Variants in IQGAP2 observed in about 807,000 individuals in gnomAD.
The protein encoded by IQGAP2 is ras GTPase-activating-like protein IQGAP2.
IQGAP2 carries 173 observed loss-of-function variants against 201.3 expected under a neutral mutation model. That is an observed-to-expected ratio of 0.86 (90% CI 0.76 to 0.98). The LOEUF (loss-of-function observed/expected upper bound fraction) is 0.98. Ranked by LOEUF, IQGAP2 falls within the 50% of genes least tolerant of loss-of-function variation. The probability of loss-of-function intolerance (pLI) is 0.00; values close to 1 mark genes in which losing one functional copy is unlikely to be tolerated. For missense variants in IQGAP2, 1,687 were observed against 1,864.8 expected (o/e 0.90, Z 1.76); for synonymous variants, 675 against 673.9 (o/e 1.00, Z -0.03).
chr5:76,488,631 C>T (rs1051793568), intron 2 of IQGAP2, among the ~76,000 whole-genome samples: 7 of 152,102 alleles, frequency 4.6e-5, no homozygotes, highest in Admixed American at 3.3e-4. Flanking sequence ...CTTGTTTATG[C>T]GAGTCATTTC....
chr5:76,547,516 C>T (rs893571074), intron 2 of IQGAP2: 35 of 612,130 alleles, frequency 5.7e-5, no homozygotes, highest in Admixed American at 1.3e-4. Context: ...GGGGCAAAGA[C>T]GTGTTAAAAG....
chr5:76,462,299 G>T (rs769361751), intron 2 of IQGAP2, among the ~76,000 whole-genome samples: 3 of 152,196 alleles, frequency 2.0e-5, no homozygotes, highest in Non-Finnish European at 4.4e-5. Context: ...TCAGACTGAA[G>T]TCCATCAGTC....
chr5:76,406,848 C>T (rs1047072443), intron 1 of IQGAP2, among the ~76,000 whole-genome samples: 2 of 152,192 alleles, frequency 1.3e-5, no homozygotes, highest in African/African-American at 4.8e-5. Context: ...CAGAGCCTTC[C>T]TTTCATGAGA....
chr5:76,648,015 G>A (rs1752204919), intron 17 of IQGAP2, among the ~76,000 whole-genome samples: 1 of 152,110 alleles, frequency 6.6e-6, no homozygotes, highest in South Asian at 2.1e-4. Flanking sequence ...CTAGAGTGGT[G>A]TGAGAGGAGC....
chr5:76,675,135 C>T (rs1744687305), intron 27 of IQGAP2, among the ~76,000 whole-genome samples: 2 of 152,184 alleles, frequency 1.3e-5, no homozygotes, highest in South Asian at 2.1e-4. Flanking sequence ...ACATTTGACC[C>T]TTGATTAACA....
At chr5:76,411,303 A>T (rs1218757165) in intron 1 of IQGAP2, among the ~76,000 whole-genome samples, 1 of 152,220 alleles carries the variant, frequency 6.6e-6, no homozygotes, top group East Asian at 1.9e-4. Context: ...TGGATGTTTG[A>T]TTTGTAAACC....
chr5:76,479,636 T>C (rs934402575), intron 2 of IQGAP2, among the ~76,000 whole-genome samples: 1 of 152,126 alleles, frequency 6.6e-6, no homozygotes, highest in Non-Finnish European at 1.5e-5. Flanking sequence ...TCTGTGCTGA[T>C]GACATTATGA....
Position 76,623,353 on chromosome 5 carries a change from T to C in IQGAP2, c.1522-4057T>C, listed in dbSNP as rs1195443238. Reference sequence around the variant, plus strand: ...CCTTGGTCTGTCTGTAGAAGTTTGCTCTCCTGTGCCGTGCAGGCAGGAAAC... The same window carrying C: ...CCTTGGTCTGTCTGTAGAAGTTTGCCCTCCTGTGCCGTGCAGGCAGGAAAC... On this transcript the variant is annotated intron_variant, in intron 13 of 35. Transcript: ENST00000274364. 1.2e-5 allele frequency: 14 copies of C among 1,178,660 alleles called. 1 individual carries two copies. The highest frequency in any genetic ancestry group is 1.7e-5 in the Non-Finnish European group (14 of 817,652). 73.0% of individuals were successfully genotyped at this position (1,178,660 alleles called of 1,614,324 possible).
intron 20 of IQGAP2, among the ~76,000 whole-genome samples, chr5:76,657,545 G>C (rs1742860853): frequency 6.6e-6 from 1 of 152,116 alleles, no homozygotes; most frequent in African/African-American, 2.4e-5. Context: ...GACTGTCAAG[G>C]GCCTAGGTGT....
chr5:76,481,714 A>G (rs1755803209), intron 2 of IQGAP2, among the ~76,000 whole-genome samples: 1 of 152,202 alleles, frequency 6.6e-6, no homozygotes, highest in Non-Finnish European at 1.5e-5. Context: ...GAGATATGCT[A>G]CTGTCCTTTA....
Position 76,562,416 on chromosome 5 carries a change from T to G in IQGAP2, c.167T>G (p.Val56Gly). The change falls in exon 3 of 36, where the codon GTT (valine) becomes GGT (glycine). Residue 56 changes from valine to glycine, a missense_variant. Coordinates refer to ENST00000274364, the MANE Select transcript of IQGAP2 (RefSeq NM_006633.5). ...TTTAGGTGGATGGAAGTTTGCTTAG[T>G]TGAAGAATTGCCACCAACCACTGAA... ...EAKRWMEVCL[V>G]EELPPTTELE... 2 of 1,613,494 alleles carry G rather than the reference T, an allele frequency of 1.2e-6. No homozygotes were observed.
chr5:76,572,619 G>T (rs1422031778), intron 4 of IQGAP2, among the ~76,000 whole-genome samples: 1 of 151,894 alleles, frequency 6.6e-6, no homozygotes, highest in African/African-American at 2.4e-5. Context: ...TGTATTTTTA[G>T]TAGAGACAGG....
chr5:76,510,064 A>C (rs931956848), intron 2 of IQGAP2, among the ~76,000 whole-genome samples: 2 of 150,930 alleles, frequency 1.3e-5, no homozygotes, highest in African/African-American at 4.9e-5. Flanking sequence ...CAGCAGCTCA[A>C]TCTCAGCTCA....
At position 76,606,271 on chromosome 5, in the gene IQGAP2, T is replaced by C. The variant is rs768240974; in HGVS notation, c.1325T>C (p.Met442Thr). The change falls in exon 12 of 36, where the codon ATG (methionine) becomes ACG (threonine). Residue 442 changes from methionine (M) to threonine (T), a missense_variant. Transcript: ENST00000274364. ...AATGAAATTCAGAATTGTATTGATA[T>C]GGTTAATGCTCAAATTCAAGAAGAA... Reference protein sequence around the residue: ...SWNEIQNCIDMVNAQIQEEND... With the variant: ...SWNEIQNCIDTVNAQIQEEND... 7 of 1,600,700 alleles carry C rather than the reference T, an allele frequency of 4.4e-6. No individual in the cohort carries two copies. Among genetic ancestry groups the C allele is most frequent in the South Asian group, 1.1e-5 (1 of 87,722 alleles).
At chr5:76,539,771 G>C (rs895175257) in intron 2 of IQGAP2, among the ~76,000 whole-genome samples, 2 of 152,196 alleles carry the variant, frequency 1.3e-5, no homozygotes, top group Admixed American at 6.5e-5. Flanking sequence ...GGCTTTCTGA[G>C]TAGGGTACTT....
At chr5:76,633,538 T>A (rs1413747755) in intron 15 of IQGAP2, among the ~76,000 whole-genome samples, 2 of 152,196 alleles carry the variant, frequency 1.3e-5, no homozygotes, top group Non-Finnish European at 2.9e-5. Context: ...GACTTTTTAT[T>A]GAGAAATAAT....
In IQGAP2 at chr5:76,665,590, G is replaced by A. The variant is rs1743685160; in HGVS notation, c.2679+415G>A. On this transcript the variant is annotated intron_variant, in intron 22 of 35. Transcript: ENST00000274364. ...CATGAAAAAATTAAAATAACTGTAT[G>A]TGAAAAACAGATATTTACCAGAACC... Among the ~76,000 whole-genome samples, 3 of 152,178 alleles carry A rather than the reference G, an allele frequency of 2.0e-5. No individual in the cohort carries two copies. The South Asian group carries it at 6.2e-4, about 32-fold the overall frequency.
intron 15 of IQGAP2, among the ~76,000 whole-genome samples, chr5:76,635,574 G>T (rs1751057165): frequency 6.6e-6 from 1 of 152,140 alleles, no homozygotes; most frequent in African/African-American, 2.4e-5. Flanking sequence ...TGGTTGTGGT[G>T]GTTCATGCCT....
chr5:76,419,072 G>C (rs996333051), intron 1 of IQGAP2, among the ~76,000 whole-genome samples: 29 of 152,262 alleles, frequency 1.9e-4, no homozygotes, highest in African/African-American at 7.0e-4. Flanking sequence ...GTGTTCCCTG[G>C]ATATTGTCAC....
Sources: allele counts gnomAD v4.1 joint callset (sites outside exome capture counted in the v4.1 genomes callset), GRCh38; gene constraint gnomAD v4.1.1; transcripts MANE v1.5; gene names NCBI Gene and HGNC (gene_info 2026-07-23, HGNC 2026-07-21).